Variants in KDSR observed in about 807,000 individuals in gnomAD.
The protein encoded by KDSR is 3-ketodihydrosphingosine reductase.
KDSR carries 23 observed loss-of-function variants against 41.3 expected under a neutral mutation model. The ratio of observed to expected loss-of-function variants is 0.56; its 90% CI spans 0.40 to 0.79. KDSR has a LOEUF of 0.79. Among genes scored for constraint, KDSR ranks in the 30% least tolerant of loss-of-function variants. The pLI is 0.00. For missense variants in KDSR, 351 were observed against 416.8 expected, an observed-to-expected ratio of 0.84 and a Z score of 1.37; for synonymous variants, 138 against 151.7, an observed-to-expected ratio of 0.91 and a Z score of 0.66.
At chr18:63,333,873 G>A (rs1469938288) in intron 9 of KDSR, among the ~76,000 whole-genome samples, 1 of 152,174 alleles carries the variant, frequency 6.6e-6, no homozygotes, top group Non-Finnish European at 1.5e-5. Flanking sequence ...TGCAGAGAAT[G>A]GAAGAATGTG....
At chr18:63,356,957 CA>C (rs1368260161) in intron 3 of KDSR, among the ~76,000 whole-genome samples, 1 of 151,954 alleles carries the variant, frequency 6.6e-6, no homozygotes, top group Non-Finnish European at 1.5e-5. Flanking sequence ...ACTGCAATTG[CA>C]AAAATAAAAA....
intron 3 of KDSR, chr18:63,359,423 C>A (rs1481457307): frequency 2.5e-5 from 6 of 235,876 alleles, no homozygotes; most frequent in African/African-American, 4.5e-5. Context: ...ATTCCATAAC[C>A]AAATAAATTT....
intron 8 of KDSR, among the ~76,000 whole-genome samples, chr18:63,337,948 A>AC (rs1264654006): frequency 6.7e-6 from 1 of 148,768 alleles, no homozygotes; most frequent in African/African-American, 2.4e-5. Context: ...AAACAAACAA[A>AC]ACAACAACAA....
chr18:63,334,721 T>G (rs754190950), intron 9 of KDSR, among the ~76,000 whole-genome samples: 5 of 152,250 alleles, frequency 3.3e-5, no homozygotes, highest in Non-Finnish European at 7.3e-5. Context: ...GCCTTCCATC[T>G]GATTCCCCAT....
intron 3 of KDSR, among the ~76,000 whole-genome samples, chr18:63,357,472 TAAAA>T (rs34264344): frequency 2.9e-5 from 4 of 137,844 alleles, no homozygotes; most frequent in African/African-American, 1.1e-4. Context: ...TACGCAGCAG[TAAAA>T]AAAAAAAAAT....
At chr18:63,344,045 C>A (rs1283279932) in intron 7 of KDSR, among the ~76,000 whole-genome samples, 1 of 152,114 alleles carries the variant, frequency 6.6e-6, no homozygotes, top group Non-Finnish European at 1.5e-5. Context: ...GGTGTGGTGG[C>A]ACATGCCTGT....
intron 1 of KDSR, among the ~76,000 whole-genome samples, chr18:63,363,207 CTTTTT>C (rs1006397920): frequency 4.1e-5 from 5 of 121,780 alleles, no homozygotes; most frequent in Non-Finnish European, 7.0e-5. Context: ...ATCTTATTTT[CTTTTT>C]TTTTTTCTTT....
At chr18:63,359,852 C>A in intron 2 of KDSR, 60 bp from the exon 3 acceptor site, 2 of 1,152,598 alleles carry the variant, frequency 1.7e-6, no homozygotes, top group Admixed American at 1.7e-5. Flanking sequence ...CCGTTTATTG[C>A]AAAGGAGAGA....
chr18:63,358,586 C>CA (rs1914869015), intron 3 of KDSR, among the ~76,000 whole-genome samples: 1 of 151,926 alleles, frequency 6.6e-6, no homozygotes, highest in Non-Finnish European at 1.5e-5. Context: ...CCAAGGCAGG[C>CA]AGATCACCTG....
intron 5 of KDSR, among the ~76,000 whole-genome samples, chr18:63,354,403 C>T (rs1459492096): frequency 6.6e-6 from 1 of 152,218 alleles, no homozygotes; most frequent in Non-Finnish European, 1.5e-5. Context: ...CCTGGTGGCT[C>T]ATGCCTGTAC....
chr18:63,350,201 A>T (rs1252398668), intron 6 of KDSR, among the ~76,000 whole-genome samples: 1 of 152,222 alleles, frequency 6.6e-6, no homozygotes, highest in Non-Finnish European at 1.5e-5. Flanking sequence ...TTCCTGTGTG[A>T]CAATAATGTG....
rs1383246562 is a variant in KDSR at position 63,355,551 on chromosome 18, T to C, written c.268A>G (p.Ile90Val). The part of the protein sequence containing the change: ...SINDKQVVLC[I>V]SVDVSQDYNQ... ...TAGTCTTGAGATACATCAACTGATA[T>C]GCAAAGCACCACCTGTTAAAAAAGA... is the stretch of plus-strand genomic sequence containing the variant. The change falls in exon 4 of 10, where the codon ATA (isoleucine) becomes GTA (valine). Residue 90 changes from isoleucine (I) to valine (V), a missense_variant. Ile to Val is a conservative substitution (Grantham distance 29). Coordinates refer to ENST00000645214, the MANE Select transcript of KDSR (RefSeq NM_002035.4). 6.3e-7 allele frequency: 1 copy of C among 1,594,684 alleles called. No homozygotes were observed. The highest frequency in any genetic ancestry group is 8.5e-7 in the Non-Finnish European group (1 of 1,174,996).
intron 1 of KDSR, chr18:63,365,999 T>TCTCCGGTG (rs1915125111): frequency 6.6e-6 from 1 of 152,210 alleles, no homozygotes; most frequent in Admixed American, 6.5e-5. Context: ...GAGGCTCGGA[T>TCTCCGGTG]CTCCGGTGCA....
In KDSR at chr18:63,367,151, G is replaced by A. The variant is rs1359227413; in HGVS notation, c.-33C>T. 1 of 1,186,096 alleles carries A rather than the reference G, an allele frequency of 8.4e-7. No homozygotes were observed. Among genetic ancestry groups the A allele is most frequent in the Non-Finnish European group, 1.1e-6 (1 of 929,188 alleles). 73.5% of individuals were successfully genotyped at this position (1,186,096 alleles called of 1,614,324 possible). A position where few individuals can be genotyped will look rare whatever the true frequency, so the allele number is the denominator to read the frequency against. On this transcript the variant is annotated 5_prime_UTR_variant, in exon 1 of 10. Transcript: ENST00000645214. Reference sequence around the variant, plus strand: ...CGGGGCCAGGGGCCCGGAGCGGCCGGGCGGGGGCCGCCGGGCAAGGCGCGC... The same window carrying A: ...CGGGGCCAGGGGCCCGGAGCGGCCGAGCGGGGGCCGCCGGGCAAGGCGCGC...
rs1914646187 is a variant in KDSR at position 63,350,977 on chromosome 18, G to A, written c.520C>T (p.Gln174Ter). The change falls in exon 6 of 10, where the codon CAG becomes TAG. Residue 174 changes from glutamine (Q) to a stop codon, truncating the protein, a stop_gained. Coordinates refer to ENST00000645214, the MANE Select transcript of KDSR (RefSeq NM_002035.4). LOFTEE classifies it high-confidence loss of function. ...RVGRIVFVSS[Q>*]AGQLGLFGFT... ...CCGAATAATCCCAACTGTCCTGCCT[G>A]GGAGGACACAAACACGATCCTGCCC... The A allele has an allele frequency of 1.2e-6, 2 of 1,614,186 alleles. No individual in the cohort carries two copies. The highest frequency in any genetic ancestry group is 3.3e-5 in the Admixed American group (2 of 60,026).
At chr18:63,349,164 T>C (rs979237367) in intron 6 of KDSR, among the ~76,000 whole-genome samples, 2 of 152,160 alleles carry the variant, frequency 1.3e-5, no homozygotes, top group Non-Finnish European at 2.9e-5. Context: ...AGAAGATTGT[T>C]TGAGCTTAGG....
Position 63,344,509 on chromosome 18 carries a change from A to G in KDSR, c.610-16T>C. On this transcript the variant is annotated splice_polypyrimidine_tract_variant and intron_variant, in intron 6 of 9. Transcript: ENST00000645214. ...ATGGCTTCACCTGCATTTCAAAACA[A>G]CACGTGTACCTTCAGTAAACAAGAC... 6.3e-7 allele frequency: 1 copy of G among 1,592,826 alleles called. No homozygotes were observed.
chr18:63,339,051 G>A (rs1022776020), intron 7 of KDSR, among the ~76,000 whole-genome samples, 168 bp from the exon 8 acceptor site: 5 of 152,206 alleles, frequency 3.3e-5, no homozygotes, highest in Admixed American at 2.6e-4. Context: ...TGTCTACCTA[G>A]TTACTACGTA....
Position 63,360,999 on chromosome 18 carries a change from A to AT in KDSR, c.199-1208_199-1207insA, listed in dbSNP as rs1464424043. 2.4e-3 allele frequency among the ~76,000 whole-genome samples: 271 copies of AT among 114,044 alleles called. 3 individuals carry two copies. The highest frequency in any genetic ancestry group is 3.1e-3 in the Non-Finnish European group (181 of 58,584). The allele number at this position is 114,044 out of a possible 152,430, so 74.8% of individuals were successfully genotyped here. A position where few individuals can be genotyped will look rare whatever the true frequency, so the allele number is the denominator to read the frequency against. On this transcript the variant is annotated intron_variant, in intron 2 of 9. Transcript: ENST00000645214. Reference sequence around the variant, plus strand: ...GTAAAACCCTGTCTCTACTAAAAAAAAAATATATATATATATAAAATATAT... The same window carrying AT: ...GTAAAACCCTGTCTCTACTAAAAAAATAAATATATATATATATAAAATATAT...
Sources: allele counts gnomAD v4.1 joint callset (sites outside exome capture counted in the v4.1 genomes callset), GRCh38; gene constraint gnomAD v4.1.1; transcripts MANE v1.5; gene names NCBI Gene and HGNC (gene_info 2026-07-23, HGNC 2026-07-21).